The following TCEA3 variants were observed in gnomAD, a reference collection of about 807,000 sequenced individuals.
TCEA3 encodes the protein transcription elongation factor A3, also known as transcription elongation factor A protein 3.
In TCEA3, 36 loss-of-function variants were observed where a neutral mutation model predicts 44.0. That is an observed-to-expected ratio of 0.82 (90% CI 0.63 to 1.08). The LOEUF (loss-of-function observed/expected upper bound fraction) is 1.08, where lower values mean the gene tolerates loss of function less well. Among genes scored for constraint, TCEA3 ranks in the 50% least tolerant of loss-of-function variants. TCEA3 has a pLI of 0.00. For synonymous variants in TCEA3, 162 were observed against 159.7 expected (o/e 1.01, Z -0.11); for missense variants, 392 against 441.2 (o/e 0.89, Z 1.00).
chr1:23,424,628 G>T lies in TCEA3; in HGVS notation c.6C>A (p.Gly2=). 6.2e-7 allele frequency: 1 copy of T among 1,606,206 alleles called. No homozygotes were observed. Residue 2 remains glycine, a synonymous_variant, in exon 1 of 11, where the codon GGC becomes GGA. Transcript: ENST00000450454. M[G]QEEELLRIAK... The stretch of plus-strand genomic sequence containing the variant: ...CGATCCTCAGCAGCTCCTCTTCCTG[G>T]CCCATGTTGGCCCGCGACGCCCGGC...
At chr1:23,395,957 T>C (rs1639204904) in intron 7 of TCEA3, among the ~76,000 whole-genome samples, 1 of 152,128 alleles carries the variant, frequency 6.6e-6, no homozygotes, top group Non-Finnish European at 1.5e-5. Flanking sequence ...GGGATGACTG[T>C]TCAGGAGAAA....
chr1:23,383,588 C>G lies in TCEA3; in HGVS notation c.1038+758G>C, dbSNP rs913184984. 4 of 985,004 alleles carry G rather than the reference C, an allele frequency of 4.1e-6. No homozygotes were observed. In the African/African-American group the frequency reaches 7.0e-5, roughly 17 times the overall value. The allele number at this position is 985,004 out of a possible 1,614,324, so 61.0% of individuals were successfully genotyped here. ...AGTAGGGCAGAATGGGACCTGAAAC[C>G]AGGGATCCTGACTTATCTTGTACTT... On this transcript the variant is annotated intron_variant, in intron 10 of 10. Coordinates refer to ENST00000450454, the MANE Select transcript of TCEA3 (RefSeq NM_003196.3).
At chr1:23,402,452 T>C (rs1357468581) in intron 5 of TCEA3, among the ~76,000 whole-genome samples, 2 of 152,218 alleles carry the variant, frequency 1.3e-5, no homozygotes, top group Non-Finnish European at 2.9e-5. Context: ...CCGCATGGTT[T>C]ACGGAAGGCC....
chr1:23,387,748 T>G (rs764876381), intron 8 of TCEA3, among the ~76,000 whole-genome samples: 45 of 152,300 alleles, frequency 3.0e-4, no homozygotes, highest in Admixed American at 9.2e-4. Flanking sequence ...GGCCTGAACC[T>G]TCCTGCTTGA....
chr1:23,384,428 G>T lies in TCEA3; in HGVS notation c.967-11C>A. On this transcript the variant is annotated splice_polypyrimidine_tract_variant and intron_variant, in intron 9 of 10. Coordinates refer to ENST00000450454, the MANE Select transcript of TCEA3 (RefSeq NM_003196.3). ...ACTGCGTGTCTGCACCTGAGAGAGA[G>T]AAGAACCACTCATGAAGTCACTCCC... is the stretch of plus-strand genomic sequence containing the variant. 6.2e-7 allele frequency: 1 copy of T among 1,611,690 alleles called. No homozygotes were observed. The highest frequency in any genetic ancestry group is 1.1e-5 in the South Asian group (1 of 90,424).
intron 5 of TCEA3, among the ~76,000 whole-genome samples, chr1:23,405,919 C>T (rs536614716): frequency 2.0e-5 from 3 of 152,216 alleles, no homozygotes; most frequent in South Asian, 4.2e-4. Context: ...CTTCACTCTC[C>T]GGGGCACTTG....
intron 7 of TCEA3, among the ~76,000 whole-genome samples, chr1:23,396,684 T>C (rs1441650182): frequency 3.3e-5 from 5 of 151,826 alleles, no homozygotes; most frequent in Non-Finnish European, 5.9e-5. Context: ...TTGCAGTGCT[T>C]GATATATATT....
intron 2 of TCEA3, 34 bp downstream of exon 2, chr1:23,419,043 G>T: frequency 6.0e-6 from 2 of 335,158 alleles, no homozygotes; most frequent in Non-Finnish European, 8.8e-6. Flanking sequence ...TCTCCCCCCA[G>T]GCACTGTCCC....
intron 8 of TCEA3, among the ~76,000 whole-genome samples, chr1:23,390,330 A>G (rs574951340): frequency 4.6e-5 from 7 of 152,128 alleles, no homozygotes; most frequent in Non-Finnish European, 8.8e-5. Context: ...TTAGCCAGGC[A>G]TGGTTACATG....
At chr1:23,402,351 A>G (rs1207469937) in intron 5 of TCEA3, among the ~76,000 whole-genome samples, 14 of 152,126 alleles carry the variant, frequency 9.2e-5, no homozygotes. Flanking sequence ...AAAAAAACAA[A>G]CAAAAACAAA....
At chr1:23,394,182 C>A in intron 7 of TCEA3, 149 bp from the exon 8 acceptor site, 2 of 940,888 alleles carry the variant, frequency 2.1e-6, no homozygotes, top group Non-Finnish European at 3.1e-6. Context: ...TCTGACTCTC[C>A]AAGTGGTGAT....
intron 8 of TCEA3, among the ~76,000 whole-genome samples, chr1:23,389,463 T>C (rs1638954372): frequency 7.0e-6 from 1 of 142,418 alleles, no homozygotes; most frequent in East Asian, 2.1e-4. Context: ...CACTCCCGCC[T>C]GGGCAACAAC....
chr1:23,381,258 A>T lies in TCEA3; in HGVS notation c.*208T>A. On this transcript the variant is annotated 3_prime_UTR_variant, in exon 11 of 11. Coordinates refer to ENST00000450454, the MANE Select transcript of TCEA3 (RefSeq NM_003196.3). ...AGGTTCATCAATACAAATTCTCAGCATCATTCTCCAATTAGGCTCCCCCAT... is the reference window on the plus strand; with the variant it reads ...AGGTTCATCAATACAAATTCTCAGCTTCATTCTCCAATTAGGCTCCCCCAT... 1 of 591,100 alleles carries T rather than the reference A, an allele frequency of 1.7e-6. No individual in the cohort carries two copies. Among genetic ancestry groups the T allele is most frequent in the East Asian group, 2.9e-5 (1 of 34,766 alleles). 36.6% of individuals were successfully genotyped at this position (591,100 alleles called of 1,614,324 possible). A position where few individuals can be genotyped will look rare whatever the true frequency, so the allele number is the denominator to read the frequency against.
At chr1:23,422,508 G>A (rs1640094597) in intron 1 of TCEA3, among the ~76,000 whole-genome samples, 1 of 152,174 alleles carries the variant, frequency 6.6e-6, no homozygotes, top group African/African-American at 2.4e-5. Context: ...GCTGCAACGT[G>A]GAGGATCCGT....
Position 23,393,978 on chromosome 1 carries a change from G to A in TCEA3, c.720C>T (p.Ser240=), listed in dbSNP as rs1486327642. The A allele has an allele frequency of 6.2e-7, 1 of 1,614,028 alleles. No homozygotes were observed. The highest frequency in any genetic ancestry group is 1.7e-5 in the Admixed American group (1 of 60,028). The part of the protein sequence containing the change: ...TDMKYRNRVR[S]RISNLKDPRN... ...TGGGGTCCTTGAGGTTGCTTATGCG[G>A]CTGCGCACGCGGTTCCGGTACTTCA... The change falls in exon 8 of 11, where the codon AGC becomes AGT. Residue 240 remains serine, a synonymous_variant. Coordinates refer to ENST00000450454, the MANE Select transcript of TCEA3 (RefSeq NM_003196.3).
chr1:23,406,433 C>T (rs938531555), intron 5 of TCEA3, among the ~76,000 whole-genome samples: 3 of 152,136 alleles, frequency 2.0e-5, no homozygotes, highest in East Asian at 1.9e-4. Flanking sequence ...GGACCCTAAT[C>T]GTTCTCCTTG....
chr1:23,412,228 G>A (rs1235455391), intron 4 of TCEA3: 1 of 151,914 alleles, frequency 6.6e-6, no homozygotes, highest in Non-Finnish European at 1.5e-5. Context: ...TAGTTCCTAA[G>A]GACAAAAATT....
chr1:23,404,609 T>C (rs1639489948), intron 5 of TCEA3, among the ~76,000 whole-genome samples: 1 of 152,098 alleles, frequency 6.6e-6, no homozygotes, highest in Non-Finnish European at 1.5e-5. Flanking sequence ...GCTACAAATA[T>C]GTTTTGTCTC....
At chr1:23,398,968 A>G (rs2148560421) in intron 5 of TCEA3, among the ~76,000 whole-genome samples, 1 of 150,888 alleles carries the variant, frequency 6.6e-6, no homozygotes, top group South Asian at 2.1e-4. Context: ...GGATCTCACC[A>G]TGTTTCCCAG....
Sources: allele counts gnomAD v4.1 joint callset (sites outside exome capture counted in the v4.1 genomes callset), GRCh38; gene constraint gnomAD v4.1.1; transcripts MANE v1.5; gene names NCBI Gene and HGNC (gene_info 2026-07-23, HGNC 2026-07-21).